Variants in GINM1 observed in about 807,000 individuals in gnomAD.
The protein encoded by GINM1 is glycoprotein integral membrane protein 1.
In GINM1, 29 loss-of-function variants were observed where a neutral mutation model predicts 37.8. The observed-to-expected ratio is 0.77, with a 90% CI of 0.57 to 1.05. The LOEUF is 1.05. Ranked by LOEUF, GINM1 falls within the 50% of genes least tolerant of loss-of-function variation. The probability of loss-of-function intolerance (pLI) is 0.00; values close to 1 mark genes in which losing one functional copy is unlikely to be tolerated. For missense variants in GINM1, 377 were observed against 397.9 expected, an observed-to-expected ratio of 0.95 and a Z score of 0.45; for synonymous variants, 143 against 146.2, an observed-to-expected ratio of 0.98 and a Z score of 0.16.
chr6:149,570,190 A>G (rs1042594210), intron 1 of GINM1, among the ~76,000 whole-genome samples: 1,304 of 92,116 alleles, frequency 0.014, 20 homozygotes, highest in Non-Finnish European at 0.023. Context: ...ATATATATAT[A>G]TATATATAAA....
chr6:149,582,450 A>G lies in GINM1; in HGVS notation c.728A>G (p.Gln243Arg). The change falls in exon 7 of 8, where the codon CAG becomes CGG. Residue 243 changes from glutamine to arginine, a missense_variant. Gln to Arg is a conservative substitution (Grantham distance 43). Transcript: ENST00000367419. ...EPPSSYKVMC[Q>R]WMEKFRKDLC... The stretch of plus-strand genomic sequence containing the variant: ...AAATTCCTTTTTCAGGTAATGTGTC[A>G]GTGGATGGAAAAGTTTAGAAAAGAT... 1 of 1,604,624 alleles carries G rather than the reference A, an allele frequency of 6.2e-7. No homozygotes were observed. Among genetic ancestry groups the G allele is most frequent in the Non-Finnish European group, 8.5e-7 (1 of 1,178,020 alleles).
intron 3 of GINM1, among the ~76,000 whole-genome samples, chr6:149,576,684 T>A (rs1445615895): frequency 6.6e-6 from 1 of 152,190 alleles, no homozygotes; most frequent in Non-Finnish European, 1.5e-5. Flanking sequence ...GAGGGAGGAA[T>A]TGCAGAAATG....
rs1351377618 is a variant in GINM1 at position 149,579,900 on chromosome 6, A to T, written c.496A>T (p.Asn166Tyr). The T allele has an allele frequency of 1.9e-6, 3 of 1,608,016 alleles. No individual in the cohort carries two copies. The highest frequency in any genetic ancestry group is 1.1e-5 in the South Asian group (1 of 90,690). ...GAACCGGGGAGTACTCAGACATTCA[A>T]ACTATACCCTCCCTTTGGAAGAAAG... is the stretch of plus-strand genomic sequence containing the variant. ...VKNRGVLRHS[N>Y]YTLPLEESML... The change falls in exon 5 of 8, where the codon AAC (asparagine) becomes TAC (tyrosine). Residue 166 changes from asparagine (N) to tyrosine (Y), a missense_variant. Coordinates refer to ENST00000367419, the MANE Select transcript of GINM1 (RefSeq NM_138785.5).
chr6:149,580,385 A>G (rs1435148658), intron 5 of GINM1, among the ~76,000 whole-genome samples: 1 of 152,268 alleles, frequency 6.6e-6, no homozygotes, highest in African/African-American at 2.4e-5. Flanking sequence ...TCTATGTGAC[A>G]GAATCATAAC....
chr6:149,590,525 T>C (rs960500044), intron 7 of GINM1, among the ~76,000 whole-genome samples: 1 of 152,206 alleles, frequency 6.6e-6, no homozygotes, highest in African/African-American at 2.4e-5. Flanking sequence ...ACTTCCTCGA[T>C]GCCTTTCTAT....
At chr6:149,578,281 G>A (rs577039366) in intron 3 of GINM1, 5 of 152,412 alleles carry the variant, frequency 3.3e-5, no homozygotes, top group African/African-American at 1.2e-4. Context: ...CCAGCACTTT[G>A]GGCAGCCAAG....
intron 1 of GINM1, among the ~76,000 whole-genome samples, chr6:149,569,236 A>G (rs1379857010): frequency 1.3e-5 from 2 of 150,882 alleles, no homozygotes; most frequent in South Asian, 2.1e-4. Flanking sequence ...GGGTTTCACC[A>G]TGTTGGCTAG....
At chr6:149,568,946 C>G (rs574517268) in intron 1 of GINM1, among the ~76,000 whole-genome samples, 1 of 151,588 alleles carries the variant, frequency 6.6e-6, no homozygotes, top group Non-Finnish European at 1.5e-5. Flanking sequence ...ATTCTCCTAT[C>G]TCAGCCTCCT....
rs1352019224 is a variant in GINM1, at chr6:149,572,615, TA to T, written c.277+15del. On this transcript the variant is annotated intron_variant, in intron 3 of 7. Coordinates refer to ENST00000367419, the MANE Select transcript of GINM1 (RefSeq NM_138785.5). ...TCAGACTTTGATAGGTGAGTATTAC[TA>T]AATTATTTCCATAATTGCTCTGTTT... 7.2e-7 allele frequency: 1 copy of T among 1,386,856 alleles called. No homozygotes were observed. The allele number at this position is 1,386,856 out of a possible 1,614,324, so 85.9% of individuals were successfully genotyped here.
rs1195690281 is a variant in GINM1 at position 149,580,238 on chromosome 6, A to G, written c.586+248A>G. On this transcript the variant is annotated intron_variant, in intron 5 of 7. Coordinates refer to ENST00000367419, the MANE Select transcript of GINM1 (RefSeq NM_138785.5). ...GTAGAATGTGATCAGTGCTGGTTGC[A>G]TAGTGACATTTTTCAGTAATTACTC... Among the ~76,000 whole-genome samples the G allele has an allele frequency of 3.3e-5, 5 of 152,226 alleles. No homozygotes were observed. In the East Asian group the frequency reaches 5.8e-4, roughly 18 times the overall value.
At chr6:149,567,562 A>G (rs1175530724) in intron 1 of GINM1, among the ~76,000 whole-genome samples, 1 of 152,030 alleles carries the variant, frequency 6.6e-6, no homozygotes, top group African/African-American at 2.4e-5. Flanking sequence ...AATTGCTTGA[A>G]CCCGGGAGGC....
intron 1 of GINM1, among the ~76,000 whole-genome samples, chr6:149,570,379 T>C (rs1187477608): frequency 6.6e-6 from 1 of 151,820 alleles, no homozygotes; most frequent in Non-Finnish European, 1.5e-5. Flanking sequence ...CACAAAACAA[T>C]GTAGCTATCA....
intron 1 of GINM1, among the ~76,000 whole-genome samples, chr6:149,571,820 C>T (rs960957717): frequency 5.3e-5 from 8 of 152,168 alleles, no homozygotes; most frequent in Middle Eastern, 3.4e-3. Context: ...CGGTGACTCA[C>T]GCCTGTAATT....
chr6:149,586,557 A>G (rs950854430), intron 7 of GINM1, among the ~76,000 whole-genome samples: 7 of 152,188 alleles, frequency 4.6e-5, no homozygotes, highest in Non-Finnish European at 1.5e-5. Flanking sequence ...ATCTAATGTT[A>G]AAAGCATGAA....
chr6:149,570,137 T>C (rs1361590042), intron 1 of GINM1, among the ~76,000 whole-genome samples: 3 of 2,514 alleles, frequency 1.2e-3, no homozygotes, highest in Non-Finnish European at 9.2e-3. Context: ...AGGTAGGTTT[T>C]ATATATATAT....
At chr6:149,582,752 T>C (rs1778020969) in intron 7 of GINM1, 149 bp downstream of exon 7, 1 of 570,398 alleles carries the variant, frequency 1.8e-6, no homozygotes, top group Non-Finnish European at 3.0e-6. Context: ...CTAGCTCATC[T>C]TCCAATGTTA....
intron 6 of GINM1, among the ~76,000 whole-genome samples, chr6:149,581,324 A>G (rs951295650): frequency 2.0e-5 from 3 of 152,014 alleles, no homozygotes. Flanking sequence ...ACGCCCAGCT[A>G]ATTTTTGTAT....
At chr6:149,585,393 G>A (rs1778054572) in intron 7 of GINM1, among the ~76,000 whole-genome samples, 1 of 151,942 alleles carries the variant, frequency 6.6e-6, no homozygotes, top group African/African-American at 2.4e-5. Context: ...CAAATTCTAT[G>A]TATTAATGTA....
chr6:149,568,757 A>G (rs1777760389), intron 1 of GINM1, among the ~76,000 whole-genome samples: 1 of 152,158 alleles, frequency 6.6e-6, no homozygotes, highest in Non-Finnish European at 1.5e-5. Flanking sequence ...GACTATAAGC[A>G]TTTTTCTGTT....
Sources: gnomAD v4.1 joint callset for allele counts (sites outside exome capture counted in the v4.1 genomes callset) on GRCh38, gnomAD v4.1.1 for gene constraint, MANE v1.5 for transcripts, NCBI Gene and HGNC (gene_info 2026-07-23, HGNC 2026-07-21) for gene names.